Variants in TMEM167A observed in about 807,000 individuals in gnomAD.
TMEM167A encodes the protein protein kish-A.
TMEM167A carries 8 observed loss-of-function variants against 11.6 expected under a neutral mutation model. The observed-to-expected ratio is 0.69, with a 90% CI of 0.40 to 1.24. The LOEUF is 1.24. Among genes scored for constraint, TMEM167A ranks in the 50% most tolerant of loss-of-function variants. The probability of loss-of-function intolerance (pLI) is 0.01; values close to 1 mark genes in which losing one functional copy is unlikely to be tolerated. For missense variants in TMEM167A, 62 were observed against 87.0 expected (o/e 0.71, Z 1.14); for synonymous variants, 22 against 28.0 (o/e 0.79, Z 0.67).
intron 1 of TMEM167A, 64 bp from the exon 2 acceptor site, chr5:83,065,181 G>A: frequency 9.9e-7 from 1 of 1,014,640 alleles, no homozygotes; most frequent in Non-Finnish European, 1.5e-6. Context: ...AAAAATGTTT[G>A]ACAATTCCAC....
intron 1 of TMEM167A, among the ~76,000 whole-genome samples, chr5:83,075,374 C>T (rs1744626200): frequency 6.6e-6 from 1 of 152,146 alleles, no homozygotes; most frequent in East Asian, 1.9e-4. Flanking sequence ...TATTAATTCA[C>T]AAGTGCTACA....
Position 83,065,125 on chromosome 5 carries a change from GA to G in TMEM167A, c.4-9del, listed in dbSNP as rs373275418. 0.059 allele frequency: 55,882 copies of G among 943,988 alleles called. 2 individuals carry two copies. Among genetic ancestry groups the G allele is most frequent in the South Asian group, 0.088 (4,041 of 45,792 alleles). 58.5% of individuals were successfully genotyped at this position (943,988 alleles called of 1,614,324 possible). A position where few individuals can be genotyped will look rare whatever the true frequency, so the allele number is the denominator to read the frequency against. ...AAAATTGAAAATGGCAGACTAAAAAGAAAAAAAAAAAAGAAAAATTAATATC... is the reference window on the plus strand; with the variant it reads ...AAAATTGAAAATGGCAGACTAAAAAGAAAAAAAAAAAGAAAAATTAATATC... On this transcript the variant is annotated splice_polypyrimidine_tract_variant and intron_variant, in intron 1 of 3. Transcript: ENST00000502346.
rs1332249817 is a variant in TMEM167A at position 83,064,873 on chromosome 5, CA to C, written c.113+134del. The C allele has an allele frequency of 5.2e-6, 3 of 581,336 alleles. No homozygotes were observed. In the African/African-American group the frequency reaches 5.9e-5, roughly 11 times the overall value. The allele number at this position is 581,336 out of a possible 1,614,324, so 36.0% of individuals were successfully genotyped here. A position where few individuals can be genotyped will look rare whatever the true frequency, so the allele number is the denominator to read the frequency against. On this transcript the variant is annotated intron_variant, in intron 2 of 3. Coordinates refer to ENST00000502346, the MANE Select transcript of TMEM167A (RefSeq NM_174909.5). ...GAATATAAAGTTTTTGAATTTTTAA[CA>C]GGAAGAAAATGAAAAAAGTTATTAT... is the stretch of plus-strand genomic sequence containing the variant.
At chr5:83,070,710 T>C (rs557916841) in intron 1 of TMEM167A, among the ~76,000 whole-genome samples, 104 of 152,306 alleles carry the variant, frequency 6.8e-4, no homozygotes, top group Non-Finnish European at 1.1e-3. Flanking sequence ...TTCAAGTCTA[T>C]TTGAAAAATT....
chr5:83,058,915 T>C (rs1020081592), intron 3 of TMEM167A, among the ~76,000 whole-genome samples: 7 of 152,098 alleles, frequency 4.6e-5, no homozygotes. Flanking sequence ...ATGTGTAACA[T>C]GATAAGATGA....
At chr5:83,062,046 C>A in intron 2 of TMEM167A, 135 bp from the exon 3 acceptor site, 1 of 686,116 alleles carries the variant, frequency 1.5e-6, no homozygotes, top group South Asian at 2.0e-5. Context: ...TTTGAAATCT[C>A]CTTATTTGAT....
In TMEM167A at chr5:83,069,101, G is replaced by A. The variant is rs1744525967; in HGVS notation, c.4-3984C>T. Among the ~76,000 whole-genome samples the A allele has an allele frequency of 3.9e-5, 6 of 152,256 alleles. No homozygotes were observed. In the South Asian group the frequency reaches 1.0e-3, roughly 26 times the overall value. On this transcript the variant is annotated intron_variant, in intron 1 of 3. Coordinates refer to ENST00000502346, the MANE Select transcript of TMEM167A (RefSeq NM_174909.5). ...ATTTACAAAAGAAAACCATTTACAAGTATGAAATATATGATATATACAACT... is the reference window on the plus strand; with the variant it reads ...ATTTACAAAAGAAAACCATTTACAAATATGAAATATATGATATATACAACT...
chr5:83,067,697 G>C (rs1373788386), intron 1 of TMEM167A, among the ~76,000 whole-genome samples: 1 of 150,802 alleles, frequency 6.6e-6, no homozygotes, highest in African/African-American at 2.5e-5. Flanking sequence ...TTTTTTAGTA[G>C]AGACAGGGTT....
intron 1 of TMEM167A, among the ~76,000 whole-genome samples, chr5:83,076,886 G>A (rs1744681525): frequency 6.6e-6 from 1 of 152,178 alleles, no homozygotes; most frequent in Non-Finnish European, 1.5e-5. Flanking sequence ...CTAAACAGAT[G>A]AAAATGAAGG....
chr5:83,068,140 T>A (rs888654841), intron 1 of TMEM167A, among the ~76,000 whole-genome samples: 1 of 152,172 alleles, frequency 6.6e-6, no homozygotes, highest in Non-Finnish European at 1.5e-5. Flanking sequence ...TGTGAATATA[T>A]TAATAAATAA....
At chr5:83,059,037 T>C (rs1441171202) in intron 3 of TMEM167A, among the ~76,000 whole-genome samples, 1 of 152,088 alleles carries the variant, frequency 6.6e-6, no homozygotes, top group Non-Finnish European at 1.5e-5. Flanking sequence ...CAACATTTTC[T>C]AAGTCACTCT....
rs1469286214 is a variant in TMEM167A, at chr5:83,061,857, G to A, written c.148+20C>T. 1 of 1,603,012 alleles carries A rather than the reference G, an allele frequency of 6.2e-7. No homozygotes were observed. The highest frequency in any genetic ancestry group is 2.2e-5 in the East Asian group (1 of 44,742). The stretch of plus-strand genomic sequence containing the variant: ...AACAATTTACAGCTGAAGAAATGGA[G>A]GGAGATTATAGACACTTACCAATTC... On this transcript the variant is annotated intron_variant, in intron 3 of 3. Transcript: ENST00000502346.
intron 1 of TMEM167A, among the ~76,000 whole-genome samples, chr5:83,076,196 T>TA (rs1744655695): frequency 1.3e-5 from 2 of 152,232 alleles, no homozygotes; most frequent in Non-Finnish European, 2.9e-5. Flanking sequence ...TGTAAACATC[T>TA]ATTCAGAAGT....
chr5:83,073,023 C>G (rs1220702796), intron 1 of TMEM167A, among the ~76,000 whole-genome samples: 2 of 152,190 alleles, frequency 1.3e-5, no homozygotes, highest in Non-Finnish European at 2.9e-5. Context: ...CTCACCCACT[C>G]CTGACATAAA....
chr5:83,053,192 G>C lies in TMEM167A; in HGVS notation c.*3892C>G, dbSNP rs1205519674. The C allele has an allele frequency of 6.6e-6, 1 of 151,928 alleles. No individual in the cohort carries two copies. Among genetic ancestry groups the C allele is most frequent in the Non-Finnish European group, 1.5e-5 (1 of 67,910 alleles). The allele number at this position is 151,928 out of a possible 1,614,324, so 9.4% of individuals were successfully genotyped here. A position where few individuals can be genotyped will look rare whatever the true frequency, so the allele number is the denominator to read the frequency against. On this transcript the variant is annotated 3_prime_UTR_variant, in exon 4 of 4. Coordinates refer to ENST00000502346, the MANE Select transcript of TMEM167A (RefSeq NM_174909.5). ...ATACCAAAGAAAGTGAGTTATTTAA[G>C]AATCTTCCATTCTTGTTATAAGCTT...
At chr5:83,064,711 G>C (rs1016432842) in intron 2 of TMEM167A, among the ~76,000 whole-genome samples, 2 of 152,050 alleles carry the variant, frequency 1.3e-5, no homozygotes, top group African/African-American at 2.4e-5. Context: ...CAAGGAGATG[G>C]AGTATTATCA....
chr5:83,073,684 G>T (rs1017368267), intron 1 of TMEM167A, among the ~76,000 whole-genome samples: 1 of 152,312 alleles, frequency 6.6e-6, no homozygotes, highest in Non-Finnish European at 1.5e-5. Flanking sequence ...GGATGTAGAA[G>T]GGAACTGGAG....
At chr5:83,073,831 G>A (rs914125135) in intron 1 of TMEM167A, among the ~76,000 whole-genome samples, 6 of 152,160 alleles carry the variant, frequency 3.9e-5, no homozygotes, top group African/African-American at 1.4e-4. Flanking sequence ...ATCCAAGCTG[G>A]AGCTGTGCTT....
intron 3 of TMEM167A, among the ~76,000 whole-genome samples, chr5:83,059,647 T>C (rs908846187): frequency 3.3e-5 from 5 of 152,142 alleles, no homozygotes; most frequent in African/African-American, 1.2e-4. Flanking sequence ...TTTGAAGTGC[T>C]TAAGATTTCT....
Sources: gnomAD v4.1 joint callset for allele counts (sites outside exome capture counted in the v4.1 genomes callset) on GRCh38, gnomAD v4.1.1 for gene constraint, MANE v1.5 for transcripts, NCBI Gene and HGNC (gene_info 2026-07-23, HGNC 2026-07-21) for gene names.